Variants in TTI2 observed in about 807,000 individuals in gnomAD.
TTI2 encodes TELO2 interacting protein 2.
A neutral mutation model predicts 44.9 loss-of-function variants in TTI2; 26 were observed. The observed-to-expected ratio is 0.58, with a 90% CI of 0.42 to 0.80. The LOEUF (loss-of-function observed/expected upper bound fraction) is 0.80. Ranked by LOEUF, TTI2 falls within the 30% of genes least tolerant of loss-of-function variation. The pLI, the probability that TTI2 is intolerant of heterozygous loss-of-function variation, is 0.00. For synonymous variants in TTI2, 254 were observed against 250.9 expected (o/e 1.01, Z -0.12); for missense variants, 582 against 611.6 (o/e 0.95, Z 0.51).
chr8:33,500,566 A>T, intron 6 of TTI2, 76 bp from the exon 7 acceptor site: 1 of 1,552,902 alleles, frequency 6.4e-7, no homozygotes, highest in Non-Finnish European at 8.8e-7. Context: ...AAAGACTGTC[A>T]AGTGGAAAGC....
In TTI2 at chr8:33,503,938, A is replaced by G. The variant is rs1809202478; in HGVS notation, c.928-3T>C. On this transcript the variant is annotated splice_region_variant and splice_polypyrimidine_tract_variant and intron_variant, in intron 4 of 7. Transcript: ENST00000431156. ...TCCAGCAGACACAGGAGCACAGCCT[A>G]GGAGGAAGGAATGGAAGGACGGTGC... The G allele has an allele frequency of 6.2e-7, 1 of 1,613,892 alleles. No homozygotes were observed. Among genetic ancestry groups the G allele is most frequent in the Non-Finnish European group, 8.5e-7 (1 of 1,180,020 alleles).
chr8:33,503,720 A>G (rs1225243890), intron 5 of TTI2, 28 bp downstream of exon 5: 2 of 1,611,594 alleles, frequency 1.2e-6, no homozygotes, highest in South Asian at 2.2e-5. Flanking sequence ...TGTATAAAAT[A>G]ATAATAAATA....
chr8:33,506,915 G>A (rs1228655360), intron 4 of TTI2, among the ~76,000 whole-genome samples: 3 of 151,406 alleles, frequency 2.0e-5, no homozygotes, highest in Non-Finnish European at 4.4e-5. Flanking sequence ...GGCTGGTCTC[G>A]AACTCCTGAC....
In TTI2 at chr8:33,498,939, C is replaced by A; in HGVS notation, c.*234G>T. On this transcript the variant is annotated 3_prime_UTR_variant, in exon 8 of 8. Transcript: ENST00000431156. ...TGTAAATATTTCTAAATTTTAAATG[C>A]TACATTACTTGGTGTCCTTTTTTCT... is the stretch of plus-strand genomic sequence containing the variant. The A allele has an allele frequency of 1.7e-6, 1 of 582,874 alleles. No individual in the cohort carries two copies. Among genetic ancestry groups the A allele is most frequent in the Middle Eastern group, 4.6e-4 (1 of 2,192 alleles). The allele number at this position is 582,874 out of a possible 1,614,324, so 36.1% of individuals were successfully genotyped here.
chr8:33,499,183 T>A lies in TTI2; in HGVS notation c.1517A>T (p.Asn506Ile). 3 of 1,613,360 alleles carry A rather than the reference T, an allele frequency of 1.9e-6. No homozygotes were observed. Residue 506 changes from asparagine (N) to isoleucine (I), a missense_variant, in exon 8 of 8, where the codon AAT (asparagine) becomes ATT (isoleucine). Physicochemically the swap from Asn to Ile is moderately radical, Grantham distance 149. Transcript: ENST00000431156. Reference sequence around the variant, plus strand: ...AAAGTAATACAAGTCTTAAGTTCCATTGTAGGGTGCGCCTTCAGAAACCTG... The same window carrying A: ...AAAGTAATACAAGTCTTAAGTTCCAATGTAGGGTGCGCCTTCAGAAACCTG... Reference protein sequence around the residue: ...VQQVSEGAPYNGT With the variant: ...VQQVSEGAPYIGT
intron 7 of TTI2, 59 bp downstream of exon 7, chr8:33,500,269 C>CAT: frequency 3.1e-6 from 5 of 1,599,146 alleles, no homozygotes; most frequent in Non-Finnish European, 4.3e-6. Context: ...TATAATCAAT[C>CAT]ATGGGAATTA....
intron 1 of TTI2, 72 bp from the exon 2 acceptor site, chr8:33,512,784 G>A: frequency 1.4e-6 from 1 of 703,202 alleles, no homozygotes; most frequent in Non-Finnish European, 2.2e-6. Flanking sequence ...TAAGAATAAA[G>A]AGAAAGGGTG....
rs1563356413 is a variant in TTI2, at chr8:33,512,162, T to C, written c.452A>G (p.Tyr151Cys). ...TGLHHLAGPV[Y>C]IFAITHSLEQ... ...CAAGCTGTGTGTGATGGCAAAAATATAAACGGGTCCTGCCAAGTGATGCAG... is the reference window on the plus strand; with the variant it reads ...CAAGCTGTGTGTGATGGCAAAAATACAAACGGGTCCTGCCAAGTGATGCAG... Residue 151 changes from tyrosine to cysteine, a missense_variant, in exon 2 of 8, where the codon TAT (tyrosine) becomes TGT (cysteine). Transcript: ENST00000431156. 5 of 1,614,152 alleles carry C rather than the reference T, an allele frequency of 3.1e-6. No homozygotes were observed. The highest frequency in any genetic ancestry group is 1.7e-5 in the Admixed American group (1 of 60,012).
chr8:33,507,171 A>G, intron 4 of TTI2, 58 bp downstream of exon 4: 1 of 1,457,148 alleles, frequency 6.9e-7, no homozygotes, highest in Non-Finnish European at 9.6e-7. Flanking sequence ...CACACAATGC[A>G]ACCTTCTACT....
At chr8:33,501,772 A>G (rs1809086376) in intron 6 of TTI2, among the ~76,000 whole-genome samples, 1 of 152,082 alleles carries the variant, frequency 6.6e-6, no homozygotes, top group Non-Finnish European at 1.5e-5. Context: ...TAGCTACTGT[A>G]TGTTGTTGGG....
intron 4 of TTI2, 101 bp from the exon 5 acceptor site, chr8:33,504,036 CCATACCA>C (rs1809206220): frequency 8.0e-6 from 10 of 1,249,016 alleles, no homozygotes; most frequent in Non-Finnish European, 1.2e-5. Context: ...TCCTTAGGGT[CCATACCA>C]GAGAATTCTA....
chr8:33,501,634 C>G (rs1456741053), intron 6 of TTI2, among the ~76,000 whole-genome samples: 1 of 152,198 alleles, frequency 6.6e-6, no homozygotes, highest in South Asian at 2.1e-4. Context: ...ATTATAATTC[C>G]GTAGGGAGAA....
chr8:33,503,121 T>C (rs1228037077), intron 6 of TTI2, among the ~76,000 whole-genome samples: 2 of 109,266 alleles, frequency 1.8e-5, no homozygotes, highest in African/African-American at 4.1e-5. Context: ...AGTGTGAGAC[T>C]CCATTTCAAA....
rs149896004 is a variant in TTI2, at chr8:33,510,759, C to T, written c.648-827G>A. 1.1e-4 allele frequency among the ~76,000 whole-genome samples: 16 copies of T among 152,234 alleles called. 1 individual carries two copies. The highest frequency in any genetic ancestry group is 3.6e-4 in the African/African-American group (15 of 41,564). ...CTACTCAGAGCAACAAATAGAAGCA[C>T]GAAACTCAAAATCAAGCCTTTTAAT... is the stretch of plus-strand genomic sequence containing the variant. On this transcript the variant is annotated intron_variant, in intron 2 of 7. Transcript: ENST00000431156.
In TTI2 at chr8:33,503,571, A is replaced by G. The variant is rs778746953; in HGVS notation, c.1117T>C (p.Leu373=). ...ARNLPAFVNR[L]GILTVRHLKR... is the part of the protein sequence containing the mutation. ...AAGTGCCGGACAGTTAGGATCCCCA[A>G]CCTAAAGATGAAAGAGAAAATATGA... Residue 373 remains leucine (L), a splice_region_variant and synonymous_variant, in exon 6 of 8, where the codon TTG becomes CTG. Transcript: ENST00000431156. 106 of 1,613,776 alleles carry G rather than the reference A, an allele frequency of 6.6e-5. No homozygotes were observed. The highest frequency in any genetic ancestry group is 8.9e-5 in the Non-Finnish European group (105 of 1,180,042).
In TTI2 at chr8:33,512,669, G is replaced by T; in HGVS notation, c.-56C>A. ...TCCCACAGAACGAGGATGGAGGCGG[G>T]GAGGGATCCGTTGAAGAGGGAAGGA... On this transcript the variant is annotated 5_prime_UTR_variant, in exon 2 of 8. Transcript: ENST00000431156. 1 of 1,593,380 alleles carries T rather than the reference G, an allele frequency of 6.3e-7. No individual in the cohort carries two copies.
Position 33,512,597 on chromosome 8 carries a change from G to C in TTI2, c.17C>G (p.Ala6Gly). The change falls in exon 2 of 8, where the codon GCT (alanine) becomes GGT (glycine). Residue 6 changes from alanine to glycine, a missense_variant. Transcript: ENST00000431156. MELDS[A>G]LEAPSQEDSN... The stretch of plus-strand genomic sequence containing the variant: ...GTCTTCCTGCGATGGGGCTTCCAGA[G>C]CGCTGTCAAGCTCCATTCCTGACTG... 6.2e-7 allele frequency: 1 copy of C among 1,613,372 alleles called. No individual in the cohort carries two copies. Among genetic ancestry groups the C allele is most frequent in the East Asian group, 2.2e-5 (1 of 44,876 alleles).
Position 33,498,738 on chromosome 8 carries a change from G to A in TTI2, c.*435C>T. ...AGTTTTTGCTCTTTTGTGTTGTACT[G>A]AACACAATATTTGTGTTTTTATTAT... On this transcript the variant is annotated 3_prime_UTR_variant, in exon 8 of 8. Coordinates refer to ENST00000431156, the MANE Select transcript of TTI2 (RefSeq NM_001102401.4). 2 of 892,654 alleles carry A rather than the reference G, an allele frequency of 2.2e-6. No homozygotes were observed. Among genetic ancestry groups the A allele is most frequent in the Non-Finnish European group, 3.4e-6 (2 of 591,264 alleles). 55.3% of individuals were successfully genotyped at this position (892,654 alleles called of 1,614,324 possible). A position where few individuals can be genotyped will look rare whatever the true frequency, so the allele number is the denominator to read the frequency against.
rs1012200875 is a variant in TTI2 at position 33,498,807 on chromosome 8, A to C, written c.*366T>G. 9.4e-6 allele frequency: 6 copies of C among 638,180 alleles called. No homozygotes were observed. Among genetic ancestry groups the C allele is most frequent in the Non-Finnish European group, 1.6e-5 (6 of 370,968 alleles). The allele number at this position is 638,180 out of a possible 1,614,324, so 39.5% of individuals were successfully genotyped here. A position where few individuals can be genotyped will look rare whatever the true frequency, so the allele number is the denominator to read the frequency against. ...GCAAGAAATCTGGAGTGAGTGAAGA[A>C]AGCTAAGTTGTGAACAAGAGTGTTT... On this transcript the variant is annotated 3_prime_UTR_variant, in exon 8 of 8. Transcript: ENST00000431156.
Sources: gnomAD v4.1 joint callset for allele counts (sites outside exome capture counted in the v4.1 genomes callset) on GRCh38, gnomAD v4.1.1 for gene constraint, MANE v1.5 for transcripts, NCBI Gene and HGNC (gene_info 2026-07-23, HGNC 2026-07-21) for gene names.